The following PCNX1 variants were observed in gnomAD, a reference collection of about 807,000 sequenced individuals.
PCNX1 encodes the protein pecanex 1, also known as pecanex-like protein 1.
Under a neutral mutation model 242.2 loss-of-function variants are expected in PCNX1, and 78 were observed. That is an observed-to-expected ratio of 0.32 (90% CI 0.27 to 0.39). The LOEUF (loss-of-function observed/expected upper bound fraction) is 0.39, where lower values mean the gene tolerates loss of function less well. Ranked by LOEUF, PCNX1 falls within the 10% of genes least tolerant of loss-of-function variation. The probability of loss-of-function intolerance (pLI) is 1.00; values close to 1 mark genes in which losing one functional copy is unlikely to be tolerated. For missense variants in PCNX1, 2,581 were observed against 2,856.5 expected, an observed-to-expected ratio of 0.90 and a Z score of 2.20; for synonymous variants, 1,024 against 1,032.9, an observed-to-expected ratio of 0.99 and a Z score of 0.17.
chr14:70,915,281 A>T (rs1363314918), intron 1 of PCNX1, among the ~76,000 whole-genome samples: 1 of 152,186 alleles, frequency 6.6e-6, no homozygotes, highest in East Asian at 1.9e-4. Flanking sequence ...AACTTTACGG[A>T]ATCTCAAAAC....
At chr14:71,007,152 A>G (rs1050519806) in intron 8 of PCNX1, among the ~76,000 whole-genome samples, 7 of 151,980 alleles carry the variant, frequency 4.6e-5, no homozygotes, top group Non-Finnish European at 1.0e-4. Flanking sequence ...TCAGGTAGTA[A>G]TAGAACTACT....
chr14:70,916,170 G>A (rs2056145378), intron 1 of PCNX1, among the ~76,000 whole-genome samples: 2 of 152,106 alleles, frequency 1.3e-5, no homozygotes, highest in African/African-American at 4.8e-5. Flanking sequence ...AACTATCAAG[G>A]GATGGTAGGA....
intron 1 of PCNX1, among the ~76,000 whole-genome samples, chr14:70,914,616 T>C (rs1011829174): frequency 2.0e-5 from 3 of 152,242 alleles, no homozygotes; most frequent in Non-Finnish European, 4.4e-5. Context: ...TTCAACATTT[T>C]ATTAAAGAAT....
In PCNX1 at chr14:70,978,013, C is replaced by T; in HGVS notation, c.1676C>T (p.Ser559Leu). ...CATCGGACAGCTTCTGCCCACAAGTCAGGCAGGAGACGCACAGGAAAAAAA... is the reference window on the plus strand; with the variant it reads ...CATCGGACAGCTTCTGCCCACAAGTTAGGCAGGAGACGCACAGGAAAAAAA... Reference protein sequence around the residue: ...VIHRTASAHKSGRRRTGKKRA... With the variant: ...VIHRTASAHKLGRRRTGKKRA... Residue 559 changes from serine (S) to leucine (L), a missense_variant, in exon 6 of 36, where the codon TCA becomes TTA. Physicochemically the swap from Ser to Leu is moderately radical, Grantham distance 145 (BLOSUM62 -2). Coordinates refer to ENST00000304743, the MANE Select transcript of PCNX1 (RefSeq NM_014982.3). 6.2e-7 allele frequency: 1 copy of T among 1,614,116 alleles called. No homozygotes were observed. The highest frequency in any genetic ancestry group is 8.5e-7 in the Non-Finnish European group (1 of 1,180,014).
chr14:71,019,086 T>C lies in PCNX1; in HGVS notation c.3074T>C (p.Ile1025Thr). The C allele has an allele frequency of 1.2e-6, 2 of 1,613,536 alleles. No individual in the cohort carries two copies. Among genetic ancestry groups the C allele is most frequent in the Non-Finnish European group, 8.5e-7 (1 of 1,179,588 alleles). Residue 1025 changes from isoleucine (I) to threonine (T), a missense_variant, in exon 12 of 36, where the codon ATA becomes ACA. Transcript: ENST00000304743. ...GCCTTTTTGGGATCTATTCTTCTCA[T>C]ACAAGGATTCTTCAGAGATATCTGG... Reference protein sequence around the residue: ...LVAFLGSILLIQGFFRDIWVF... With the variant: ...LVAFLGSILLTQGFFRDIWVF...
intron 28 of PCNX1, among the ~76,000 whole-genome samples, chr14:71,085,287 C>T (rs889523757): frequency 3.9e-5 from 6 of 152,148 alleles, no homozygotes; most frequent in East Asian, 1.9e-4. Flanking sequence ...TGTTCATGTT[C>T]GGCCATCTTG....
intron 28 of PCNX1, among the ~76,000 whole-genome samples, chr14:71,086,584 G>A (rs1233114658): frequency 6.6e-6 from 1 of 152,200 alleles, no homozygotes; most frequent in East Asian, 1.9e-4. Context: ...CATCCTGAGT[G>A]TTCTAGCCAG....
At chr14:70,949,653 C>T (rs1373154662) in intron 2 of PCNX1, among the ~76,000 whole-genome samples, 5 of 152,168 alleles carry the variant, frequency 3.3e-5, no homozygotes, top group African/African-American at 1.2e-4. Context: ...GATTCGATGT[C>T]AACTCCTCCT....
intron 1 of PCNX1, among the ~76,000 whole-genome samples, chr14:70,941,224 C>T (rs2057227903): frequency 6.6e-6 from 1 of 152,208 alleles, no homozygotes; most frequent in African/African-American, 2.4e-5. Flanking sequence ...TTAGAATTTT[C>T]ATCTTTTCTG....
intron 14 of PCNX1, among the ~76,000 whole-genome samples, 187 bp from the exon 15 acceptor site, chr14:71,026,585 T>C (rs2060249678): frequency 6.6e-6 from 1 of 152,130 alleles, no homozygotes; most frequent in Non-Finnish European, 1.5e-5. Flanking sequence ...AAGTATTGTT[T>C]ATGATTGAAA....
Position 71,045,292 on chromosome 14 carries a change from T to G in PCNX1, c.4018+9T>G. On this transcript the variant is annotated intron_variant, in intron 20 of 35. Transcript: ENST00000304743. ...TCAGTATGAAGTTCGAAGTAAGTAT[T>G]TCATTAGCACTTTTTCTTTTTAATA... 6.3e-7 allele frequency: 1 copy of G among 1,587,368 alleles called. No individual in the cohort carries two copies. Among genetic ancestry groups the G allele is most frequent in the Non-Finnish European group, 8.6e-7 (1 of 1,165,626 alleles).
At chr14:71,055,477 T>C (rs1172238541) in intron 24 of PCNX1, 27 bp from the exon 25 acceptor site, 3 of 1,413,082 alleles carry the variant, frequency 2.1e-6, no homozygotes, top group Non-Finnish European at 3.0e-6. Context: ...GTAAAGAAAG[T>C]TACTAAAAAT....
chr14:71,055,909 T>C (rs543732078), intron 25 of PCNX1, among the ~76,000 whole-genome samples: 1 of 152,302 alleles, frequency 6.6e-6, no homozygotes, highest in Non-Finnish European at 1.5e-5. Flanking sequence ...TATTAGTATG[T>C]TTCCTTCCAC....
At chr14:71,001,115 C>G (rs903212846) in intron 8 of PCNX1, among the ~76,000 whole-genome samples, 2 of 151,434 alleles carry the variant, frequency 1.3e-5, no homozygotes, top group Non-Finnish European at 2.9e-5. Flanking sequence ...GTTATATAAT[C>G]ATCTTTGTCA....
intron 8 of PCNX1, among the ~76,000 whole-genome samples, chr14:71,003,157 C>G (rs1392685105): frequency 7.1e-6 from 1 of 141,576 alleles, no homozygotes; most frequent in African/African-American, 2.7e-5. Flanking sequence ...AATCTCAGCT[C>G]TCTGCTACCT....
intron 30 of PCNX1, among the ~76,000 whole-genome samples, chr14:71,101,493 G>C (rs1296993791): frequency 1.3e-5 from 2 of 152,156 alleles, no homozygotes; most frequent in African/African-American, 4.8e-5. Flanking sequence ...TCTGTGCTCA[G>C]AGCTGCTAGC....
chr14:71,001,238 A>C (rs1237514182), intron 8 of PCNX1, among the ~76,000 whole-genome samples: 1 of 152,202 alleles, frequency 6.6e-6, no homozygotes, highest in African/African-American at 2.4e-5. Flanking sequence ...TCCATTACAT[A>C]AGCTTTAGTG....
At chr14:71,084,739 C>A (rs1595468368) in intron 28 of PCNX1, among the ~76,000 whole-genome samples, 2 of 152,212 alleles carry the variant, frequency 1.3e-5, no homozygotes, top group East Asian at 3.9e-4. Flanking sequence ...GACTGCTGTG[C>A]TGGCAGCAAG....
chr14:71,009,560 C>T (rs192906325), intron 8 of PCNX1, 74 bp from the exon 9 acceptor site: 52 of 836,442 alleles, frequency 6.2e-5, no homozygotes, highest in African/African-American at 1.0e-4. Flanking sequence ...TAGAAACTTA[C>T]GAAATTTAGT....
Sources: allele counts gnomAD v4.1 joint callset (sites outside exome capture counted in the v4.1 genomes callset), GRCh38; gene constraint gnomAD v4.1.1; transcripts MANE v1.5; gene names NCBI Gene and HGNC (gene_info 2026-07-23, HGNC 2026-07-21).